Variants in METTL15 observed in about 807,000 individuals in gnomAD.
METTL15 encodes the protein 12S rRNA N(4)-cytidine methyltransferase METTL15.
A neutral mutation model predicts 38.3 loss-of-function variants in METTL15; 34 were observed. That is an observed-to-expected ratio of 0.89 (90% confidence interval 0.68 to 1.18). METTL15 has a LOEUF of 1.18. Among genes scored for constraint, METTL15 ranks in the 50% most tolerant of loss-of-function variants. The pLI is 0.00. For synonymous variants in METTL15, 162 were observed against 170.9 expected, an observed-to-expected ratio of 0.95 and a Z score of 0.41; for missense variants, 438 against 498.4, an observed-to-expected ratio of 0.88 and a Z score of 1.15.
At chr11:28,494,078 T>C (rs1296731720) in intron 6 of METTL15, among the ~76,000 whole-genome samples, 2 of 152,212 alleles carry the variant, frequency 1.3e-5, no homozygotes, top group African/African-American at 2.4e-5. Context: ...TTAGTATATT[T>C]AGCAAATACA....
At chr11:28,404,369 C>G (rs776956777) in intron 5 of METTL15, among the ~76,000 whole-genome samples, 3 of 152,170 alleles carry the variant, frequency 2.0e-5, no homozygotes, top group South Asian at 4.1e-4. Context: ...ATGTATTACT[C>G]ACAGTTCTAG....
At chr11:28,481,376 T>G (rs1200481031) in intron 6 of METTL15, among the ~76,000 whole-genome samples, 1 of 152,148 alleles carries the variant, frequency 6.6e-6, no homozygotes, top group Non-Finnish European at 1.5e-5. Flanking sequence ...CAAATACACC[T>G]TCTTGTCCTT....
At chr11:28,152,013 C>T (rs893444711) in intron 3 of METTL15, among the ~76,000 whole-genome samples, 1 of 151,936 alleles carries the variant, frequency 6.6e-6, no homozygotes, top group Non-Finnish European at 1.5e-5. Context: ...AGCGTGAGTG[C>T]CTGGTTTATT....
chr11:28,515,820 A>C (rs1851715317), intron 6 of METTL15, among the ~76,000 whole-genome samples: 1 of 152,198 alleles, frequency 6.6e-6, no homozygotes, highest in African/African-American at 2.4e-5. Context: ...TATTTCCCCT[A>C]TTTCCATTTC....
chr11:28,487,347 A>G (rs924387183), intron 6 of METTL15, among the ~76,000 whole-genome samples: 1 of 152,206 alleles, frequency 6.6e-6, no homozygotes, highest in Non-Finnish European at 1.5e-5. Context: ...AATACCATGA[A>G]ATAATATCTA....
At chr11:28,121,837 A>G (rs758302650) in intron 3 of METTL15, among the ~76,000 whole-genome samples, 11 of 152,142 alleles carry the variant, frequency 7.2e-5, no homozygotes, top group African/African-American at 2.4e-4. Context: ...ATTATATGCA[A>G]TATTTTAAGA....
chr11:28,429,414 C>T (rs1415326984), intron 6 of METTL15, among the ~76,000 whole-genome samples: 5 of 132,032 alleles, frequency 3.8e-5, no homozygotes, highest in East Asian at 2.4e-4. Context: ...CCCTCTCATG[C>T]GGAGCCGAAG....
At chr11:28,341,523 T>G (rs1339009376) in intron 3 of METTL15, among the ~76,000 whole-genome samples, 3 of 152,162 alleles carry the variant, frequency 2.0e-5, no homozygotes, top group Admixed American at 2.0e-4. Context: ...AGAGCACAGA[T>G]TTTGGAATCA....
At chr11:28,390,723 G>A (rs141878040) in intron 5 of METTL15, among the ~76,000 whole-genome samples, 2 of 151,312 alleles carry the variant, frequency 1.3e-5, no homozygotes, top group Non-Finnish European at 1.5e-5. Context: ...CTCTTTTTTG[G>A]TTCCATATGC....
intron 6 of METTL15, among the ~76,000 whole-genome samples, chr11:28,509,753 A>G (rs1451162224): frequency 1.3e-5 from 2 of 152,168 alleles, no homozygotes; most frequent in Non-Finnish European, 2.9e-5. Flanking sequence ...TTTCTTGCTT[A>G]GACACCCCCA....
chr11:28,321,724 T>C (rs941305964), intron 6 of METTL15, among the ~76,000 whole-genome samples: 2 of 151,994 alleles, frequency 1.3e-5, no homozygotes, highest in African/African-American at 4.8e-5. Context: ...AAAAGAATGT[T>C]GAAAAGAAAG....
rs776291740 is a variant in METTL15 at position 28,330,371 on chromosome 11, C to T, written c.779-25C>T. On this transcript the variant is annotated intron_variant, in intron 6 of 6. Coordinates refer to ENST00000407364, the MANE Select transcript of METTL15 (RefSeq NM_001113528.2). ...ATATTAATGTTACCGGTCTTCTTTTCCTATCTTTACAACATTTGTTTTAGG... is the reference window on the plus strand; with the variant it reads ...ATATTAATGTTACCGGTCTTCTTTTTCTATCTTTACAACATTTGTTTTAGG... The T allele has an allele frequency of 1.4e-5, 21 of 1,501,034 alleles. 1 individual carries two copies. In the South Asian group the frequency reaches 2.5e-4, roughly 18 times the overall value. 93.0% of individuals were successfully genotyped at this position (1,501,034 alleles called of 1,614,324 possible). A position where few individuals can be genotyped will look rare whatever the true frequency, so the allele number is the denominator to read the frequency against.
In METTL15 at chr11:28,430,791, G is replaced by A. The variant is rs1456818239; in HGVS notation, c.*424+6427G>A. Among the ~76,000 whole-genome samples, 58 of 91,742 alleles carry A rather than the reference G, an allele frequency of 6.3e-4. No homozygotes were observed. The East Asian group carries it at 0.016, about 25-fold the overall frequency. 60.2% of individuals were successfully genotyped at this position (91,742 alleles called of 152,430 possible). The stretch of plus-strand genomic sequence containing the variant: ...AGGTGAGGGGCGCCTCTGCCCGGCC[G>A]CCCCTACTGGGAAGTGAGGAGCCCC... On this transcript the variant is annotated intron_variant and NMD_transcript_variant, in intron 6 of 7. Coordinates refer to the METTL15 transcript ENST00000532947.
Position 28,387,462 on chromosome 11 carries a change from C to T in METTL15, c.*358+25426C>T, listed in dbSNP as rs1220785149. Among the ~76,000 whole-genome samples the T allele has an allele frequency of 2.6e-5, 4 of 151,896 alleles. No individual in the cohort carries two copies. In the South Asian group the frequency reaches 6.2e-4, roughly 24 times the overall value. ...AACCTAGAAGAAATGGATATATTTA[C>T]AGAACCATGCAAACTACCAAAACCG... On this transcript the variant is annotated intron_variant and NMD_transcript_variant, in intron 5 of 7. Transcript: ENST00000532947.
intron 6 of METTL15, among the ~76,000 whole-genome samples, chr11:28,511,466 G>A (rs2133500863): frequency 6.6e-6 from 1 of 152,334 alleles, no homozygotes; most frequent in South Asian, 2.1e-4. Context: ...CAAGAATGAA[G>A]CTGTGGACCC....
intron 6 of METTL15, among the ~76,000 whole-genome samples, chr11:28,305,121 T>G (rs1188626938): frequency 3.3e-5 from 5 of 152,202 alleles, no homozygotes. Context: ...ATTTTTTAAG[T>G]AAACTTATGT....
intron 5 of METTL15, among the ~76,000 whole-genome samples, chr11:28,292,719 T>C (rs977912807): frequency 7.2e-5 from 11 of 152,126 alleles, no homozygotes; most frequent in Admixed American, 2.6e-4. Flanking sequence ...CTCCAGCGCC[T>C]GTTGTTTCCT....
intron 6 of METTL15, among the ~76,000 whole-genome samples, chr11:28,526,278 G>C (rs1590404684): frequency 6.6e-6 from 1 of 152,250 alleles, no homozygotes; most frequent in African/African-American, 2.4e-5. Flanking sequence ...GGCCAGAGCT[G>C]ACGCCGAGGC....
chr11:28,263,309 A>G (rs915823852), intron 4 of METTL15, among the ~76,000 whole-genome samples: 4 of 152,094 alleles, frequency 2.6e-5, no homozygotes, highest in East Asian at 1.9e-4. Context: ...GAGACTCTCT[A>G]TCGTTCACAT....
Sources: gnomAD v4.1 joint callset for allele counts (sites outside exome capture counted in the v4.1 genomes callset) on GRCh38, gnomAD v4.1.1 for gene constraint, MANE v1.5 for transcripts, NCBI Gene and HGNC (gene_info 2026-07-23, HGNC 2026-07-21) for gene names.